Variants in HNF1A observed in about 807,000 individuals in gnomAD.
HNF1A encodes HNF1 homeobox A, also known as hepatocyte nuclear factor 1-alpha.
A neutral mutation model predicts 62.2 loss-of-function variants in HNF1A; 21 were observed. That is an observed-to-expected ratio of 0.34 (90% CI 0.24 to 0.49). The LOEUF is 0.49. HNF1A is among the 20% of genes least tolerant of loss of function. The pLI is 0.99. For missense variants in HNF1A, 687 were observed against 832.3 expected (o/e 0.83, Z 2.15); for synonymous variants, 374 against 366.8 (o/e 1.02, Z -0.22).
Position 120,996,169 on chromosome 12 carries a change from G to A in HNF1A, c.956-93G>A, listed in dbSNP as rs2135844897. On this transcript the variant is annotated intron_variant, in intron 4 of 9. Coordinates refer to ENST00000257555, the MANE Select transcript of HNF1A (RefSeq NM_000545.8). The surrounding 1 kb of genome is among the most constrained non-coding windows in gnomAD (Gnocchi z 4.5). ...AAAGGCAGACAGGCAGCTGGCCTAA[G>A]CAAACCAATGGAGTTTGAAGTGCTG... The A allele has an allele frequency of 6.6e-7, 1 of 1,504,936 alleles. No homozygotes were observed. Among genetic ancestry groups the A allele is most frequent in the South Asian group, 1.1e-5 (1 of 88,034 alleles). 93.2% of individuals were successfully genotyped at this position (1,504,936 alleles called of 1,614,324 possible).
intron 1 of HNF1A, among the ~76,000 whole-genome samples, chr12:120,985,878 G>A (rs1040413362): frequency 1.3e-5 from 2 of 151,664 alleles, no homozygotes; most frequent in Non-Finnish European, 2.9e-5. Context: ...CCAGCTACTC[G>A]GGAGGCTGAG....
chr12:120,991,723 C>G (rs1455268944), intron 2 of HNF1A, among the ~76,000 whole-genome samples: 1 of 152,170 alleles, frequency 6.6e-6, no homozygotes, highest in Non-Finnish European at 1.5e-5. Context: ...GGTGTTCACA[C>G]TCTACTGTGC....
At chr12:120,990,751 T>C (rs949376684) in intron 2 of HNF1A, among the ~76,000 whole-genome samples, 1 of 151,056 alleles carries the variant, frequency 6.6e-6, no homozygotes, top group Non-Finnish European at 1.5e-5. Context: ...CAATACACAT[T>C]TGGTTAAAAA....
At chr12:120,989,093 T>TG in intron 2 of HNF1A, 61 bp downstream of exon 2, 2 of 1,497,806 alleles carry the variant, frequency 1.3e-6, no homozygotes, top group Non-Finnish European at 1.8e-6. Flanking sequence ...CCCTAACTCA[T>TG]AGGTGGGGGC....
chr12:121,001,156 C>T lies in HNF1A; in HGVS notation c.1860C>T (p.Thr620=). Residue 620 remains threonine, a synonymous_variant, in exon 10 of 10, where the codon ACC becomes ACT. Transcript: ENST00000257555. ...LLPSNHSVIE[T]FISTQMASSS... is the part of the protein sequence containing the mutation. ...CATCCAACCACAGCGTCATCGAGACCTTCATCTCCACCCAGATGGCCTCTT... is the reference window on the plus strand; with the variant it reads ...CATCCAACCACAGCGTCATCGAGACTTTCATCTCCACCCAGATGGCCTCTT... 1 of 1,614,130 alleles carries T rather than the reference C, an allele frequency of 6.2e-7. No individual in the cohort carries two copies. Among genetic ancestry groups the T allele is most frequent in the East Asian group, 2.2e-5 (1 of 44,880 alleles).
At position 120,981,174 on chromosome 12, in the gene HNF1A, C is replaced by T. The variant is rs569255607; in HGVS notation, c.326+2080C>T. The stretch of plus-strand genomic sequence containing the variant: ...GAGCCAGGGAGAGAGGGGCGGGGGA[C>T]CCCTATTGAAGGCCTGGGCCATTGG... On this transcript the variant is annotated intron_variant, in intron 1 of 9. Transcript: ENST00000257555. 2.7e-5 allele frequency among the ~76,000 whole-genome samples: 4 copies of T among 149,536 alleles called. No individual in the cohort carries two copies. The East Asian group carries it at 7.7e-4, about 29-fold the overall frequency.
rs754647137 is a variant in HNF1A at position 120,994,161 on chromosome 12, C to T, written c.714-3C>T. The T allele has an allele frequency of 2.5e-6, 4 of 1,612,702 alleles. No homozygotes were observed. Among genetic ancestry groups the T allele is most frequent in the Non-Finnish European group, 3.4e-6 (4 of 1,179,518 alleles). Reference sequence around the variant, plus strand: ...GGAGGCTCATGGGTGGCTATTTCTGCAGGGCGGAATGCATCCAGAGAGGGG... The same window carrying T: ...GGAGGCTCATGGGTGGCTATTTCTGTAGGGCGGAATGCATCCAGAGAGGGG... On this transcript the variant is annotated splice_region_variant and splice_polypyrimidine_tract_variant and intron_variant, in intron 3 of 9. Transcript: ENST00000257555.
chr12:120,982,941 C>T (rs1305132329), intron 1 of HNF1A, among the ~76,000 whole-genome samples: 3 of 152,184 alleles, frequency 2.0e-5, no homozygotes, highest in South Asian at 2.1e-4. Flanking sequence ...TTTTCCTCCT[C>T]CCCATCTCTG....
chr12:120,999,769 G>A (rs1250197094), intron 9 of HNF1A, 142 bp downstream of exon 9: 1 of 1,163,774 alleles, frequency 8.6e-7, no homozygotes, highest in African/African-American at 1.6e-5. Context: ...TGGCAGGCGT[G>A]GAGGGGTGGG....
At chr12:120,997,882 CGT>C in intron 7 of HNF1A, 1 of 703,244 alleles carries the variant, frequency 1.4e-6, no homozygotes. Flanking sequence ...ATCCCTAGTG[CGT>C]GTCTGGGTGT....
Position 120,993,608 on chromosome 12 carries a change from G to A in HNF1A, c.615G>A (p.Lys205=), listed in dbSNP as rs1454528140. ...AGAAGGGGCGGAGGAACCGTTTCAAGTGGGGCCCAGCATCCCAGCAGATCC... is the reference window on the plus strand; with the variant it reads ...AGAAGGGGCGGAGGAACCGTTTCAAATGGGGCCCAGCATCCCAGCAGATCC... ...PTKKGRRNRF[K]WGPASQQILF... is the part of the protein sequence containing the mutation. The change falls in exon 3 of 10, where the codon AAG becomes AAA. Residue 205 remains lysine (K), a synonymous_variant. Transcript: ENST00000257555. 2 of 1,614,166 alleles carry A rather than the reference G, an allele frequency of 1.2e-6. No individual in the cohort carries two copies. The highest frequency in any genetic ancestry group is 1.7e-6 in the Non-Finnish European group (2 of 1,180,028).
At position 120,988,906 on chromosome 12, in the gene HNF1A, G is replaced by A. The variant is rs550894458; in HGVS notation, c.400G>A (p.Val134Ile). 1 of 1,614,236 alleles carries A rather than the reference G, an allele frequency of 6.2e-7. No individual in the cohort carries two copies. The highest frequency in any genetic ancestry group is 1.1e-5 in the South Asian group (1 of 91,090). Residue 134 changes from valine to isoleucine, a missense_variant, in exon 2 of 10, where the codon GTC becomes ATC. Val to Ile is a conservative substitution (Grantham distance 29). This residue lies in a region of HNF1A where 26 missense variants were observed against 60.7 expected (regional missense o/e 0.43). Transcript: ENST00000257555. ...GCACAACATCCCACAGCGGGAGGTG[G>A]TCGATACCACTGGCCTCAACCAGTC... ...QQHNIPQREV[V>I]DTTGLNQSHL... is the part of the protein sequence containing the mutation.
At chr12:120,994,533 T>C in intron 4 of HNF1A, 128 bp downstream of exon 4, 2 of 1,034,726 alleles carry the variant, frequency 1.9e-6, no homozygotes, top group Non-Finnish European at 2.8e-6. Context: ...TGCCACTCCT[T>C]ATCACTCTAC....
At chr12:120,980,711 C>T (rs1876209207) in intron 1 of HNF1A, 1 of 152,358 alleles carries the variant, frequency 6.6e-6, no homozygotes, top group South Asian at 2.1e-4. Flanking sequence ...GAGGCTTGAT[C>T]CACAGCATTT....
chr12:121,001,018 G>A, intron 9 of HNF1A, 47 bp from the exon 10 acceptor site: 1 of 1,609,662 alleles, frequency 6.2e-7, no homozygotes, highest in Non-Finnish European at 8.5e-7. Context: ...AGGTGGGGTG[G>A]GTGTGGGTGC....
rs751401246 is a variant in HNF1A, at chr12:121,002,131, G to A, written c.*939G>A. ...ACAAGGCAGCAAGGCCCGAGCAGCT[G>A]AGCAGGGCCGGGGAACTGGCCAAGC... On this transcript the variant is annotated 3_prime_UTR_variant, in exon 10 of 10. Coordinates refer to ENST00000257555, the MANE Select transcript of HNF1A (RefSeq NM_000545.8). 6.6e-4 allele frequency: 346 copies of A among 525,200 alleles called. No homozygotes were observed. Among genetic ancestry groups the A allele is most frequent in the Non-Finnish European group, 6.6e-4 (178 of 271,142 alleles). The allele number at this position is 525,200 out of a possible 1,614,324, so 32.5% of individuals were successfully genotyped here. A position where few individuals can be genotyped will look rare whatever the true frequency, so the allele number is the denominator to read the frequency against.
chr12:121,002,057 G>A lies in HNF1A; in HGVS notation c.*865G>A, dbSNP rs571134960. On this transcript the variant is annotated 3_prime_UTR_variant, in exon 10 of 10. Coordinates refer to ENST00000257555, the MANE Select transcript of HNF1A (RefSeq NM_000545.8). Reference sequence around the variant, plus strand: ...CCTGGTGGGGCAGCTCCTCTGTCTCGAGCGCCCTGCAGACCCTGCCCTTGT... The same window carrying A: ...CCTGGTGGGGCAGCTCCTCTGTCTCAAGCGCCCTGCAGACCCTGCCCTTGT... The A allele has an allele frequency of 1.0e-4, 55 of 536,772 alleles. No homozygotes were observed. The highest frequency in any genetic ancestry group is 5.6e-4 in the Middle Eastern group (2 of 3,554). 33.3% of individuals were successfully genotyped at this position (536,772 alleles called of 1,614,324 possible).
chr12:120,986,916 T>C (rs1373406804), intron 1 of HNF1A, among the ~76,000 whole-genome samples: 2 of 151,966 alleles, frequency 1.3e-5, no homozygotes, highest in Non-Finnish European at 2.9e-5. Flanking sequence ...TAATATAAGT[T>C]CAGGAGAGGG....
intron 7 of HNF1A, 83 bp from the exon 8 acceptor site, chr12:120,999,185 C>G: frequency 6.5e-7 from 1 of 1,543,330 alleles, no homozygotes; most frequent in Non-Finnish European, 8.9e-7. Flanking sequence ...AGGCCCCATG[C>G]CCCCCTTTCC....
Sources: gnomAD v4.1 joint callset for allele counts (sites outside exome capture counted in the v4.1 genomes callset) on GRCh38, gnomAD v4.1.1 for gene constraint, gnomAD v4.1.1 regional missense constraint, Gnocchi (gnomAD v3.1) non-coding constraint, MANE v1.5 for transcripts, NCBI Gene and HGNC (gene_info 2026-07-23, HGNC 2026-07-21) for gene names.